The following ATL3 variants were observed in gnomAD, a reference collection of about 807,000 sequenced individuals.
The protein encoded by ATL3 is atlastin GTPase 3.
In ATL3, 49 loss-of-function variants were observed where a neutral mutation model predicts 69.5. That is an observed-to-expected ratio of 0.71 (90% CI 0.56 to 0.89). The LOEUF (loss-of-function observed/expected upper bound fraction) is 0.89. Among genes scored for constraint, ATL3 ranks in the 40% least tolerant of loss-of-function variants. The pLI is 0.00. For synonymous variants in ATL3, 214 were observed against 224.1 expected, an observed-to-expected ratio of 0.95 and a Z score of 0.40; for missense variants, 606 against 645.7, an observed-to-expected ratio of 0.94 and a Z score of 0.67.
At chr11:63,632,173 A>G in intron 11 of ATL3, 1 of 461,084 alleles carries the variant, frequency 2.2e-6, no homozygotes. Flanking sequence ...AAATTAAATG[A>G]ATTATAGAAC....
chr11:63,653,702 C>G (rs1363754053), intron 3 of ATL3, among the ~76,000 whole-genome samples: 1 of 152,120 alleles, frequency 6.6e-6, no homozygotes, highest in Non-Finnish European at 1.5e-5. Context: ...TTGCAGAAAT[C>G]TTAAAATTGC....
At chr11:63,655,979 C>G (rs1432188435) in intron 3 of ATL3, among the ~76,000 whole-genome samples, 2 of 152,214 alleles carry the variant, frequency 1.3e-5, no homozygotes, top group East Asian at 3.9e-4. Flanking sequence ...AATCCCAGCA[C>G]TTTGGGAGGC....
chr11:63,646,712 T>TG (rs1291910781), intron 5 of ATL3, 149 bp from the exon 6 acceptor site: 2 of 497,002 alleles, frequency 4.0e-6, no homozygotes, highest in African/African-American at 4.0e-5. Context: ...AAAATCATCT[T>TG]GGTTATTCCC....
At chr11:63,629,473 T>C in intron 12 of ATL3, 68 bp from the exon 13 acceptor site, 4 of 1,403,764 alleles carry the variant, frequency 2.8e-6, no homozygotes, top group Non-Finnish European at 4.0e-6. Flanking sequence ...AAGTAAGTCC[T>C]TAAACTTTCA....
chr11:63,630,172 G>A (rs1052206188), intron 12 of ATL3, among the ~76,000 whole-genome samples: 3 of 151,680 alleles, frequency 2.0e-5, no homozygotes, highest in African/African-American at 7.3e-5. Flanking sequence ...TAGCACTTTG[G>A]GAGGCCGAGG....
chr11:63,657,597 C>T (rs751874524), intron 3 of ATL3, among the ~76,000 whole-genome samples: 1 of 152,238 alleles, frequency 6.6e-6, no homozygotes, highest in South Asian at 2.1e-4. Flanking sequence ...GAGAATAACA[C>T]ACATGACAGC....
chr11:63,636,161 G>C, intron 9 of ATL3, 46 bp downstream of exon 9: 1 of 1,588,094 alleles, frequency 6.3e-7, no homozygotes, highest in East Asian at 2.2e-5. Flanking sequence ...AGTGAGATCA[G>C]CTTTACCAAA....
rs1476948039 is a variant in ATL3, at chr11:63,629,229, A to G, written c.*90T>C. On this transcript the variant is annotated 3_prime_UTR_variant, in exon 13 of 13. Transcript: ENST00000398868. ...CTTCCTGGATCGTCTCAGATCTGCC[A>G]TTCCTCTGGATATGAACCTGTGGCC... 1 of 1,034,688 alleles carries G rather than the reference A, an allele frequency of 9.7e-7. No homozygotes were observed. Among genetic ancestry groups the G allele is most frequent in the East Asian group, 2.4e-5 (1 of 41,620 alleles). 64.1% of individuals were successfully genotyped at this position (1,034,688 alleles called of 1,614,324 possible).
chr11:63,661,577 TAAAGAGAAGA>T (rs1273624154), intron 1 of ATL3, among the ~76,000 whole-genome samples: 1 of 151,558 alleles, frequency 6.6e-6, no homozygotes, highest in Non-Finnish European at 1.5e-5. Flanking sequence ...GAGACTGTCT[TAAAGAGAAGA>T]GAAGAGAAGA....
rs1939708494 is a variant in ATL3, at chr11:63,641,786, C to CT, written c.850+1570_850+1571insA. ...CAAAAGTGACACAAATTTCAAAAGC[C>CT]AGGGTTACTGAACTTTAAAAAACTC... On this transcript the variant is annotated intron_variant, in intron 8 of 12. Transcript: ENST00000398868. Among the ~76,000 whole-genome samples the CT allele has an allele frequency of 3.9e-5, 6 of 152,230 alleles. 1 individual carries two copies. The South Asian group carries it at 1.2e-3, about 32-fold the overall frequency.
At chr11:63,668,321 AG>A (rs1940642608) in intron 1 of ATL3, among the ~76,000 whole-genome samples, 1 of 152,192 alleles carries the variant, frequency 6.6e-6, no homozygotes. Context: ...CTAAGACCTT[AG>A]CCAACTCTAG....
chr11:63,652,011 T>G, intron 4 of ATL3, 25 bp from the exon 5 acceptor site: 2 of 1,596,592 alleles, frequency 1.3e-6, no homozygotes, highest in Non-Finnish European at 1.7e-6. Flanking sequence ...TCCAGATTGA[T>G]ACTACTCTGG....
intron 1 of ATL3, among the ~76,000 whole-genome samples, chr11:63,665,744 C>A (rs1216731947): frequency 1.3e-5 from 2 of 151,834 alleles, no homozygotes; most frequent in African/African-American, 4.8e-5. Context: ...TGAAAATTAA[C>A]CAGGCTTGGT....
chr11:63,659,185 G>C lies in ATL3; in HGVS notation c.114C>G (p.Ser38=). The part of the protein sequence containing the change: ...QVVLVQKDQH[S]FELDEKALAS... ...CCAAGGCTTTCTCATCTAGCTCAAA[G>C]GAATGTTGATCTTTCTGAACCAAAA... is the stretch of plus-strand genomic sequence containing the variant. The change falls in exon 2 of 13, where the codon TCC becomes TCG. Residue 38 remains serine, a synonymous_variant. Coordinates refer to ENST00000398868, the MANE Select transcript of ATL3 (RefSeq NM_015459.5). 1 of 1,613,974 alleles carries C rather than the reference G, an allele frequency of 6.2e-7. No homozygotes were observed. The highest frequency in any genetic ancestry group is 2.2e-5 in the East Asian group (1 of 44,878).
intron 3 of ATL3, among the ~76,000 whole-genome samples, 170 bp downstream of exon 3, chr11:63,658,591 A>T (rs1270413249): frequency 1.3e-5 from 2 of 152,252 alleles, no homozygotes; most frequent in Non-Finnish European, 2.9e-5. Flanking sequence ...AATCCTATTT[A>T]TCCACAACAG....
At chr11:63,669,141 A>T (rs918043651) in intron 1 of ATL3, among the ~76,000 whole-genome samples, 4 of 151,436 alleles carry the variant, frequency 2.6e-5, no homozygotes, top group South Asian at 2.1e-4. Context: ...CCAAGTAAGG[A>T]TTTCCTAATT....
intron 3 of ATL3, among the ~76,000 whole-genome samples, chr11:63,652,971 G>T (rs476691): frequency 0.14 from 20,954 of 151,548 alleles, 1,564 homozygotes; most frequent in Middle Eastern, 0.18. Context: ...GGCAGCAGCA[G>T]CACTTGAGCC....
Position 63,626,581 on chromosome 11 carries a change from T to C in ATL3, c.*2738A>G, listed in dbSNP as rs1565264554. Reference sequence around the variant, plus strand: ...ACACTTAATTTATCCTGAAATATTTTAATAGAAAATTTTGGAAGCCTCCTT... The same window carrying C: ...ACACTTAATTTATCCTGAAATATTTCAATAGAAAATTTTGGAAGCCTCCTT... On this transcript the variant is annotated 3_prime_UTR_variant, in exon 13 of 13. Transcript: ENST00000398868. 1 of 152,164 alleles carries C rather than the reference T, an allele frequency of 6.6e-6. No homozygotes were observed. The highest frequency in any genetic ancestry group is 1.5e-5 in the Non-Finnish European group (1 of 68,028). The allele number at this position is 152,164 out of a possible 1,614,324, so 9.4% of individuals were successfully genotyped here.
chr11:63,659,679 A>G (rs1053504054), intron 1 of ATL3, among the ~76,000 whole-genome samples: 9 of 152,146 alleles, frequency 5.9e-5, no homozygotes, highest in African/African-American at 1.9e-4. Flanking sequence ...TCGCCCCTGT[A>G]ATCCCAGCAC....
Sources: allele counts gnomAD v4.1 joint callset (sites outside exome capture counted in the v4.1 genomes callset), GRCh38; gene constraint gnomAD v4.1.1; transcripts MANE v1.5; gene names NCBI Gene and HGNC (gene_info 2026-07-23, HGNC 2026-07-21).